RERE: variants seen among roughly 807,000 people sequenced by gnomAD.
The protein encoded by RERE is arginine-glutamic acid dipeptide repeats, also known as arginine-glutamic acid dipeptide repeats protein.
In RERE, 40 loss-of-function variants were observed where a neutral mutation model predicts 146.1. The ratio of observed to expected loss-of-function variants is 0.27; its 90% CI spans 0.21 to 0.36. RERE has a LOEUF of 0.36. Ranked by LOEUF, RERE falls within the 10% of genes least tolerant of loss-of-function variation. RERE has a pLI of 1.00. For synonymous variants in RERE, 1,003 were observed against 866.0 expected (o/e 1.16, Z -2.78); for missense variants, 1,933 against 2,138.7 (o/e 0.90, Z 1.90).
intron 10 of RERE, among the ~76,000 whole-genome samples, chr1:8,474,835 CTACT>C (rs1644732702): frequency 6.6e-6 from 1 of 152,116 alleles, no homozygotes; most frequent in South Asian, 2.1e-4. Flanking sequence ...TATAAAAAGC[CTACT>C]TAAGTTAGAC....
chr1:8,710,090 C>A (rs1639636766), intron 1 of RERE, among the ~76,000 whole-genome samples: 1 of 152,170 alleles, frequency 6.6e-6, no homozygotes, highest in African/African-American at 2.4e-5. Flanking sequence ...GTGAAAAGAT[C>A]CACTCTCAAG....
At chr1:8,479,310 A>AT (rs1375158742) in intron 10 of RERE, among the ~76,000 whole-genome samples, 65 of 151,800 alleles carry the variant, frequency 4.3e-4, no homozygotes, top group African/African-American at 1.3e-3. Context: ...TTTTTTTTAA[A>AT]TTTTTTTTAA....
At chr1:8,636,446 A>T (rs947852285) in intron 2 of RERE, among the ~76,000 whole-genome samples, 1 of 151,750 alleles carries the variant, frequency 6.6e-6, no homozygotes, top group African/African-American at 2.4e-5. Flanking sequence ...AGGTGGGAGG[A>T]TCTCTTGAGC....
At chr1:8,359,217 G>A (rs1054149220) in intron 19 of RERE, among the ~76,000 whole-genome samples, 1 of 152,186 alleles carries the variant, frequency 6.6e-6, no homozygotes, top group Non-Finnish European at 1.5e-5. Context: ...CAGCTGGGGG[G>A]CATGGGTGAG....
chr1:8,481,785 T>C (rs1185495538), intron 10 of RERE, among the ~76,000 whole-genome samples: 2 of 152,156 alleles, frequency 1.3e-5, no homozygotes, highest in East Asian at 1.9e-4. Flanking sequence ...AAAGCACATA[T>C]ACAAGGAAAA....
At position 8,361,395 on chromosome 1, in the gene RERE, G is replaced by T. The variant is rs752835526; in HGVS notation, c.2112C>A (p.Ile704=). The change falls in exon 18 of 23, where the codon ATC becomes ATA. Residue 704 remains isoleucine (I), a synonymous_variant. Transcript: ENST00000400908. ...NDEGSSDPKD[I]DQDNRSTSPS... Reference sequence around the variant, plus strand: ...GGGACGTGCTGCGATTGTCCTGGTCGATGTCTTTGGGGTCACTGCTACCCT... The same window carrying T: ...GGGACGTGCTGCGATTGTCCTGGTCTATGTCTTTGGGGTCACTGCTACCCT... 1 of 1,613,896 alleles carries T rather than the reference G, an allele frequency of 6.2e-7. No homozygotes were observed. Among genetic ancestry groups the T allele is most frequent in the Non-Finnish European group, 8.5e-7 (1 of 1,179,882 alleles).
intron 1 of RERE, among the ~76,000 whole-genome samples, chr1:8,687,671 ATT>A (rs1639120648): frequency 6.6e-6 from 1 of 152,224 alleles, no homozygotes; most frequent in Admixed American, 6.5e-5. Context: ...GTTGAAAGAG[ATT>A]ACATCCCATT....
intron 12 of RERE, among the ~76,000 whole-genome samples, chr1:8,366,825 G>A (rs1187790022): frequency 1.3e-5 from 2 of 149,470 alleles, no homozygotes; most frequent in African/African-American, 2.5e-5. Flanking sequence ...CCCTCAGGGC[G>A]CTGCAGGCTG....
Position 8,707,400 on chromosome 1 carries a change from A to T in RERE, c.-144-50959T>A, listed in dbSNP as rs184331533. Among the ~76,000 whole-genome samples, 521 of 152,304 alleles carry T rather than the reference A, an allele frequency of 3.4e-3. 1 individual carries two copies. Among genetic ancestry groups the T allele is most frequent in the South Asian group, 9.5e-3 (46 of 4,828 alleles). On this transcript the variant is annotated intron_variant, in intron 1 of 22. Coordinates refer to ENST00000400908, the MANE Select transcript of RERE (RefSeq NM_001042681.2). ...AGGACCCACATTATTCCAGACCCTTAACCTGGAGCAACCACCCTGCATGGA... is the reference window on the plus strand; with the variant it reads ...AGGACCCACATTATTCCAGACCCTTTACCTGGAGCAACCACCCTGCATGGA...
chr1:8,589,561 T>C (rs754851578), intron 4 of RERE, among the ~76,000 whole-genome samples: 3 of 152,266 alleles, frequency 2.0e-5, no homozygotes, highest in African/African-American at 7.2e-5. Context: ...TGGCGCCCTA[T>C]TTATTGAATA....
chr1:8,560,582 C>A (rs1356586591), intron 4 of RERE, among the ~76,000 whole-genome samples: 1 of 152,138 alleles, frequency 6.6e-6, no homozygotes, highest in Non-Finnish European at 1.5e-5. Context: ...GAGATTCTCC[C>A]AATCTCCCCT....
chr1:8,390,691 CTA>C (rs988251686), intron 12 of RERE, among the ~76,000 whole-genome samples: 1 of 152,138 alleles, frequency 6.6e-6, no homozygotes, highest in Admixed American at 6.6e-5. Flanking sequence ...CAGTTAAAAA[CTA>C]TGTACATTTT....
At chr1:8,429,384 T>C (rs912565030) in intron 11 of RERE, among the ~76,000 whole-genome samples, 3 of 152,096 alleles carry the variant, frequency 2.0e-5, no homozygotes, top group African/African-American at 7.2e-5. Flanking sequence ...AGATATTGTT[T>C]CCCAAAAATT....
chr1:8,420,852 A>C (rs1216008432), intron 12 of RERE, among the ~76,000 whole-genome samples: 1 of 152,342 alleles, frequency 6.6e-6, no homozygotes, highest in South Asian at 2.1e-4. Flanking sequence ...CTAGCTCAAA[A>C]GGTTGGTGTA....
chr1:8,467,196 C>T (rs1362962341), intron 10 of RERE, among the ~76,000 whole-genome samples: 4 of 152,230 alleles, frequency 2.6e-5, no homozygotes, highest in Non-Finnish European at 5.9e-5. Flanking sequence ...TTCACTCGTG[C>T]TTCAATCTCT....
intron 1 of RERE, among the ~76,000 whole-genome samples, chr1:8,815,829 T>TTTTGTGTG (rs1553152686): frequency 3.3e-5 from 5 of 149,968 alleles, no homozygotes; most frequent in South Asian, 2.1e-4. Flanking sequence ...CAGCTTGGTA[T>TTTTGTGTG]TGTGTGTGTG....
At chr1:8,495,689 C>CTT (rs1280527490) in intron 9 of RERE, among the ~76,000 whole-genome samples, 1 of 152,176 alleles carries the variant, frequency 6.6e-6, no homozygotes, top group Admixed American at 6.6e-5. Flanking sequence ...TGTATTGTTT[C>CTT]TTCCCACGTT....
chr1:8,704,374 C>T (rs986836645), intron 1 of RERE, among the ~76,000 whole-genome samples: 3 of 152,304 alleles, frequency 2.0e-5, no homozygotes, highest in African/African-American at 7.2e-5. Flanking sequence ...CACTCAGTGT[C>T]AACCCAAATT....
At chr1:8,750,362 C>G (rs1328806147) in intron 1 of RERE, 2 of 632,900 alleles carry the variant, frequency 3.2e-6, no homozygotes, top group African/African-American at 1.8e-5. Flanking sequence ...CTGCCTCATT[C>G]AACATCTGTG....
Sources: allele counts gnomAD v4.1 joint callset (sites outside exome capture counted in the v4.1 genomes callset), GRCh38; gene constraint gnomAD v4.1.1; transcripts MANE v1.5; gene names NCBI Gene and HGNC (gene_info 2026-07-23, HGNC 2026-07-21).